The following ADAM28 variants were observed in gnomAD, a reference collection of about 807,000 sequenced individuals.
ADAM28 encodes the protein disintegrin and metalloproteinase domain-containing protein 28.
ADAM28 carries 105 observed loss-of-function variants against 101.2 expected under a neutral mutation model. That is an observed-to-expected ratio of 1.04 (90% confidence interval 0.89 to 1.22). The LOEUF (loss-of-function observed/expected upper bound fraction) is 1.22. Ranked by LOEUF, ADAM28 falls within the 50% of genes most tolerant of loss-of-function variation. ADAM28 has a pLI of 0.00. For synonymous variants in ADAM28, 322 were observed against 310.6 expected, an observed-to-expected ratio of 1.04 and a Z score of -0.39; for missense variants, 1,028 against 945.4, an observed-to-expected ratio of 1.09 and a Z score of -1.15.
chr8:24,309,705 A>G (rs1165659068), intron 2 of ADAM28, among the ~76,000 whole-genome samples, 189 bp from the exon 3 acceptor site: 1 of 152,174 alleles, frequency 6.6e-6, no homozygotes, highest in African/African-American at 2.4e-5. Context: ...GTGGATGGAT[A>G]AAAGGCTCTC....
rs959425603 is a variant in ADAM28 at position 24,357,742 on chromosome 8, G to A, written c.*3338G>A. The A allele has an allele frequency of 2.8e-5, 4 of 143,304 alleles. No homozygotes were observed. Among genetic ancestry groups the A allele is most frequent in the African/African-American group, 1.0e-4 (4 of 38,266 alleles). The allele number at this position is 143,304 out of a possible 1,614,324, so 8.9% of individuals were successfully genotyped here. ...AGGTAAAATTAACTATATTTAATAG[G>A]CTTTCATCACTGCAAAACTTTTTTT... On this transcript the variant is annotated 3_prime_UTR_variant, in exon 23 of 23. Coordinates refer to ENST00000265769, the MANE Select transcript of ADAM28 (RefSeq NM_014265.6).
chr8:24,332,746 C>T lies in ADAM28; in HGVS notation c.1368C>T (p.Cys456=). The part of the protein sequence containing the change: ...QCALGECCEK[C]QFKKAGMVCR... ...CATTAGGAGAATGTTGTGAAAAATG[C>T]CAAGTAAGATTATTTTATTCTATTT... The change falls in exon 13 of 23, where the codon TGC becomes TGT. Residue 456 remains cysteine, a synonymous_variant. Coordinates refer to ENST00000265769, the MANE Select transcript of ADAM28 (RefSeq NM_014265.6). 1.4e-6 allele frequency: 2 copies of T among 1,432,670 alleles called. No individual in the cohort carries two copies. Among genetic ancestry groups the T allele is most frequent in the Non-Finnish European group, 9.3e-7 (1 of 1,073,716 alleles). The allele number at this position is 1,432,670 out of a possible 1,614,324, so 88.7% of individuals were successfully genotyped here. A position where few individuals can be genotyped will look rare whatever the true frequency, so the allele number is the denominator to read the frequency against.
chr8:24,304,455 A>C (rs1236403557), intron 2 of ADAM28, among the ~76,000 whole-genome samples: 1 of 152,068 alleles, frequency 6.6e-6, no homozygotes, highest in African/African-American at 2.4e-5. Flanking sequence ...AATTTAGACA[A>C]ACATAAACCT....
At chr8:24,332,770 T>G in intron 13 of ADAM28, 21 bp downstream of exon 13, 4 of 1,307,996 alleles carry the variant, frequency 3.1e-6, no homozygotes, top group Non-Finnish European at 4.1e-6. Context: ...TTTATTCTAT[T>G]TTAATAATTA....
chr8:24,351,160 C>G, intron 19 of ADAM28, 72 bp from the exon 20 acceptor site: 1 of 1,269,716 alleles, frequency 7.9e-7, no homozygotes, highest in Non-Finnish European at 1.1e-6. Context: ...AGTTGGGAAT[C>G]TTCTACGGAG....
chr8:24,304,691 C>T (rs186085693), intron 2 of ADAM28, among the ~76,000 whole-genome samples: 2 of 151,976 alleles, frequency 1.3e-5, no homozygotes, highest in Admixed American at 1.3e-4. Flanking sequence ...GGTTGTGAAA[C>T]CTGTCTCTAT....
At position 24,311,367 on chromosome 8, in the gene ADAM28, T is replaced by G; in HGVS notation, c.313T>G (p.Cys105Gly). ...ITTSPQIMDD[C>G]YYQGHILNEK... ...AAAACCCCTTTTCCTTTAGGATGAT[T>G]GTTATTATCAAGGACATATTCTTAA... is the stretch of plus-strand genomic sequence containing the variant. Residue 105 changes from cysteine to glycine, a missense_variant, in exon 5 of 23, where the codon TGT (cysteine) becomes GGT (glycine). Physicochemically the swap from Cys to Gly is radical, Grantham distance 159. Coordinates refer to ENST00000265769, the MANE Select transcript of ADAM28 (RefSeq NM_014265.6). 1 of 1,612,464 alleles carries G rather than the reference T, an allele frequency of 6.2e-7. No homozygotes were observed. Among genetic ancestry groups the G allele is most frequent in the Non-Finnish European group, 8.5e-7 (1 of 1,179,200 alleles).
At chr8:24,343,625 C>T (rs1275963170) in intron 18 of ADAM28, 41 bp downstream of exon 18, 1 of 1,558,690 alleles carries the variant, frequency 6.4e-7, no homozygotes, top group Non-Finnish European at 8.8e-7. Context: ...AATTGCTCTC[C>T]TCTTCCAAGC....
intron 19 of ADAM28, among the ~76,000 whole-genome samples, chr8:24,350,555 C>A (rs1228231018): frequency 6.6e-6 from 1 of 152,140 alleles, no homozygotes; most frequent in East Asian, 1.9e-4. Context: ...AAATGATCCA[C>A]CCACTTTGGC....
At chr8:24,321,650 A>G (rs565038247) in intron 8 of ADAM28, among the ~76,000 whole-genome samples, 1 of 152,146 alleles carries the variant, frequency 6.6e-6, no homozygotes, top group Non-Finnish European at 1.5e-5. Context: ...GCACTGTCAC[A>G]GTAGCATATT....
intron 19 of ADAM28, 145 bp downstream of exon 19, chr8:24,350,117 A>C (rs1815906174): frequency 1.7e-5 from 11 of 664,110 alleles, no homozygotes; most frequent in Middle Eastern, 4.4e-4. Flanking sequence ...TTTGGACGAG[A>C]AACTGGGTTT....
chr8:24,330,175 C>CTGTA, intron 11 of ADAM28, 60 bp downstream of exon 11: 1 of 1,555,590 alleles, frequency 6.4e-7, no homozygotes, highest in East Asian at 2.3e-5. Flanking sequence ...CCACTGTGGG[C>CTGTA]TGTACTACTT....
rs770239334 is a variant in ADAM28, at chr8:24,357,549, A to C, written c.*3145A>C. On this transcript the variant is annotated 3_prime_UTR_variant, in exon 23 of 23. Coordinates refer to ENST00000265769, the MANE Select transcript of ADAM28 (RefSeq NM_014265.6). ...TTATAAAACCATCAGATCTCTTGAG[A>C]GCTTACTATCTCGACAAAAGCATGG... is the stretch of plus-strand genomic sequence containing the variant. 5 of 152,082 alleles carry C rather than the reference A, an allele frequency of 3.3e-5. No homozygotes were observed. Among genetic ancestry groups the C allele is most frequent in the Non-Finnish European group, 5.9e-5 (4 of 68,006 alleles). 9.4% of individuals were successfully genotyped at this position (152,082 alleles called of 1,614,324 possible).
At chr8:24,299,918 T>C in intron 1 of ADAM28, 56 bp from the exon 2 acceptor site, 1 of 1,377,246 alleles carries the variant, frequency 7.3e-7, no homozygotes, top group African/African-American at 1.4e-5. Context: ...TGGCCTTTAC[T>C]GACCAGCCTA....
chr8:24,299,897 T>G (rs1808478422), intron 1 of ADAM28, 77 bp from the exon 2 acceptor site: 4 of 1,000,470 alleles, frequency 4.0e-6, no homozygotes. Flanking sequence ...TCATTGGGAA[T>G]GCAGTAAGGA....
intron 13 of ADAM28, among the ~76,000 whole-genome samples, chr8:24,334,984 G>A (rs1000657259): frequency 6.6e-6 from 1 of 152,120 alleles, no homozygotes; most frequent in African/African-American, 2.4e-5. Context: ...TAGGAAACTC[G>A]AGGCCTGGGA....
Position 24,354,409 on chromosome 8 carries a change from A to G in ADAM28, c.*5A>G. On this transcript the variant is annotated 3_prime_UTR_variant, in exon 23 of 23. Coordinates refer to ENST00000265769, the MANE Select transcript of ADAM28 (RefSeq NM_014265.6). Reference sequence around the variant, plus strand: ...GACTCAAATCCAAAAGCATGAAGCAACAGCTAAGCAAGAACTAATGGCTAA... The same window carrying G: ...GACTCAAATCCAAAAGCATGAAGCAGCAGCTAAGCAAGAACTAATGGCTAA... 2 of 1,604,146 alleles carry G rather than the reference A, an allele frequency of 1.2e-6. No individual in the cohort carries two copies. The highest frequency in any genetic ancestry group is 8.5e-7 in the Non-Finnish European group (1 of 1,174,732).
At position 24,303,568 on chromosome 8, in the gene ADAM28, G is replaced by T. The variant is rs1423525509; in HGVS notation, c.150+3491G>T. Among the ~76,000 whole-genome samples, 3 of 152,092 alleles carry T rather than the reference G, an allele frequency of 2.0e-5. No individual in the cohort carries two copies. The East Asian group carries it at 5.8e-4, about 29-fold the overall frequency. Reference sequence around the variant, plus strand: ...GCCTTGTAATACACCTTGAAGTCCGGTAGTATAATGCCTCCAGCTTTGTTC... The same window carrying T: ...GCCTTGTAATACACCTTGAAGTCCGTTAGTATAATGCCTCCAGCTTTGTTC... On this transcript the variant is annotated intron_variant, in intron 2 of 22. Coordinates refer to ENST00000265769, the MANE Select transcript of ADAM28 (RefSeq NM_014265.6).
chr8:24,310,390 A>G, intron 4 of ADAM28, 149 bp downstream of exon 4: 2 of 723,028 alleles, frequency 2.8e-6, no homozygotes, highest in Middle Eastern at 6.7e-4. Flanking sequence ...TATAAAAAAA[A>G]GAAAAGTGGA....
Sources: allele counts gnomAD v4.1 joint callset (sites outside exome capture counted in the v4.1 genomes callset), GRCh38; gene constraint gnomAD v4.1.1; transcripts MANE v1.5; gene names NCBI Gene and HGNC (gene_info 2026-07-23, HGNC 2026-07-21).